The following CCSER1 variants were observed in gnomAD, a reference collection of about 807,000 sequenced individuals.
The protein encoded by CCSER1 is serine-rich coiled-coil domain-containing protein 1.
CCSER1 carries 41 observed loss-of-function variants against 82.0 expected under a neutral mutation model. The ratio of observed to expected loss-of-function variants is 0.50; its 90% CI spans 0.39 to 0.65. The LOEUF (loss-of-function observed/expected upper bound fraction) is 0.65, where lower values mean the gene tolerates loss of function less well. Ranked by LOEUF, CCSER1 falls within the 30% of genes least tolerant of loss-of-function variation. CCSER1 has a pLI of 0.00. For missense variants in CCSER1, 1,119 were observed against 1,064.2 expected, an observed-to-expected ratio of 1.05 and a Z score of -0.72; for synonymous variants, 414 against 383.9, an observed-to-expected ratio of 1.08 and a Z score of -0.92.
At chr4:90,590,323 T>TA (rs969875925) in intron 5 of CCSER1, among the ~76,000 whole-genome samples, 2 of 152,114 alleles carry the variant, frequency 1.3e-5, no homozygotes, top group Non-Finnish European at 2.9e-5. Flanking sequence ...CTCATGCCTG[T>TA]AATCCCAGCA....
chr4:90,528,372 A>G (rs1456639398), intron 5 of CCSER1, among the ~76,000 whole-genome samples: 1 of 152,144 alleles, frequency 6.6e-6, no homozygotes, highest in African/African-American at 2.4e-5. Flanking sequence ...CCCATCTTCT[A>G]CCAGAAACAG....
chr4:91,490,950 C>A (rs1366279788), intron 10 of CCSER1, among the ~76,000 whole-genome samples: 4 of 74,478 alleles, frequency 5.4e-5, no homozygotes, highest in African/African-American at 9.7e-5. Context: ...TACTATGTAC[C>A]CATAAAAATT....
At chr4:90,358,094 GT>G (rs1362173104) in intron 3 of CCSER1, among the ~76,000 whole-genome samples, 1 of 151,944 alleles carries the variant, frequency 6.6e-6, no homozygotes, top group Non-Finnish European at 1.5e-5. Flanking sequence ...TATCTGAAGT[GT>G]AACTATAAGG....
rs1051918539 is a variant in CCSER1, at chr4:91,307,309, A to C, written c.2217+221315A>C. On this transcript the variant is annotated intron_variant, in intron 10 of 10. Transcript: ENST00000509176. ...GATCTAATATATAACTGTCTTTGTA[A>C]TCCTCTCTAGTCTTATCTTGCTATT... is the stretch of plus-strand genomic sequence containing the variant. Among the ~76,000 whole-genome samples the C allele has an allele frequency of 2.0e-5, 3 of 151,994 alleles. No homozygotes were observed. The South Asian group carries it at 6.2e-4, about 32-fold the overall frequency.
intron 3 of CCSER1, among the ~76,000 whole-genome samples, chr4:90,359,870 T>C (rs1745008946): frequency 8.9e-6 from 1 of 111,992 alleles, no homozygotes; most frequent in South Asian, 3.7e-4. Context: ...TATGTGTATA[T>C]ATATGTGTGT....
At chr4:90,332,120 G>A (rs370611915) in intron 3 of CCSER1, among the ~76,000 whole-genome samples, 10 of 151,994 alleles carry the variant, frequency 6.6e-5, no homozygotes, top group Admixed American at 2.6e-4. Flanking sequence ...TACTGTTCCC[G>A]CATGTGAATC....
intron 10 of CCSER1, among the ~76,000 whole-genome samples, chr4:91,340,175 C>G (rs981255788): frequency 2.0e-5 from 3 of 152,086 alleles, no homozygotes; most frequent in African/African-American, 7.2e-5. Context: ...ACAACCGTAT[C>G]TAATAATAAA....
intron 4 of CCSER1, among the ~76,000 whole-genome samples, chr4:90,461,053 ATTTTTTTTTTTTTTTTTTTT>A (rs397880822): frequency 6.0e-5 from 3 of 49,714 alleles, no homozygotes; most frequent in Non-Finnish European, 9.3e-5. Context: ...TGCCCAGGCT[ATTTTTTTTTTTTTTTTTTTT>A]TTTTTTTTTT....
chr4:91,130,016 A>G (rs1016628993), intron 10 of CCSER1: 13 of 151,994 alleles, frequency 8.6e-5, no homozygotes, highest in Non-Finnish European at 1.8e-4. Flanking sequence ...GATCACATAA[A>G]TAGAGCTCTG....
chr4:90,615,457 G>A (rs1466812746), intron 5 of CCSER1, among the ~76,000 whole-genome samples: 1 of 152,044 alleles, frequency 6.6e-6, no homozygotes, highest in Non-Finnish European at 1.5e-5. Flanking sequence ...CATGGGAGGA[G>A]GACAAAATAT....
intron 10 of CCSER1, among the ~76,000 whole-genome samples, chr4:91,449,924 T>C (rs1755779375): frequency 6.6e-6 from 1 of 152,118 alleles, no homozygotes; most frequent in African/African-American, 2.4e-5. Flanking sequence ...GAAAGTAGTT[T>C]CAATATGGCA....
At chr4:91,121,548 T>C (rs1727090747) in intron 10 of CCSER1, among the ~76,000 whole-genome samples, 1 of 151,530 alleles carries the variant, frequency 6.6e-6, no homozygotes, top group Non-Finnish European at 1.5e-5. Flanking sequence ...AAGTGAAAAA[T>C]TTTACTTCAG....
chr4:90,674,424 A>G (rs2149167772), intron 6 of CCSER1, among the ~76,000 whole-genome samples: 1 of 152,028 alleles, frequency 6.6e-6, no homozygotes, highest in Admixed American at 6.6e-5. Flanking sequence ...TCTGACACTG[A>G]GAGAAGCGAC....
At chr4:90,429,770 T>C (rs1490682847) in intron 4 of CCSER1, among the ~76,000 whole-genome samples, 1 of 151,806 alleles carries the variant, frequency 6.6e-6, no homozygotes, top group Non-Finnish European at 1.5e-5. Context: ...ATTATGTGGC[T>C]TGTCAAAATT....
At chr4:91,380,339 C>G (rs150475724) in intron 10 of CCSER1, among the ~76,000 whole-genome samples, 13,488 of 152,142 alleles carry the variant, frequency 0.089, 790 homozygotes, top group Non-Finnish European at 0.13. Context: ...CTAATGTTGA[C>G]AGTGAGGTGT....
At chr4:90,595,136 C>T (rs1783175905) in intron 5 of CCSER1, among the ~76,000 whole-genome samples, 1 of 151,922 alleles carries the variant, frequency 6.6e-6, no homozygotes, top group South Asian at 2.1e-4. Flanking sequence ...TTGATTTCAT[C>T]CAGTAGTTCT....
intron 10 of CCSER1, among the ~76,000 whole-genome samples, chr4:91,176,451 C>T (rs1284614241): frequency 6.6e-6 from 1 of 152,130 alleles, no homozygotes; most frequent in Non-Finnish European, 1.5e-5. Flanking sequence ...TCTTCCTATC[C>T]ATAATTATGT....
chr4:91,384,969 C>T (rs1327059523), intron 10 of CCSER1, among the ~76,000 whole-genome samples: 4 of 152,020 alleles, frequency 2.6e-5, no homozygotes, highest in Non-Finnish European at 4.4e-5. Flanking sequence ...CAGTCATTCT[C>T]ATGCATTGCA....
At chr4:90,811,910 TACACACACACAC>T (rs67215286) in intron 7 of CCSER1, among the ~76,000 whole-genome samples, 6 of 113,112 alleles carry the variant, frequency 5.3e-5, no homozygotes, top group African/African-American at 9.3e-5. Context: ...AATATATATA[TACACACACACAC>T]ACACACACAC....
Sources: allele counts gnomAD v4.1 joint callset (sites outside exome capture counted in the v4.1 genomes callset), GRCh38; gene constraint gnomAD v4.1.1; transcripts MANE v1.5; gene names NCBI Gene and HGNC (gene_info 2026-07-23, HGNC 2026-07-21).